The following TRMT1L variants were observed in gnomAD, a reference collection of about 807,000 sequenced individuals.
The protein encoded by TRMT1L is tRNA methyltransferase 1L, also known as tRNA (guanine(27)-N(2))-dimethyltransferase.
A neutral mutation model predicts 81.6 loss-of-function variants in TRMT1L; 28 were observed. That is an observed-to-expected ratio of 0.34 (90% CI 0.25 to 0.47). The LOEUF (loss-of-function observed/expected upper bound fraction) is 0.47, where lower values mean the gene tolerates loss of function less well. Among genes scored for constraint, TRMT1L ranks in the 20% least tolerant of loss-of-function variants. TRMT1L has a pLI of 1.00. For synonymous variants in TRMT1L, 301 were observed against 303.2 expected, an observed-to-expected ratio of 0.99 and a Z score of 0.07; for missense variants, 739 against 877.1, an observed-to-expected ratio of 0.84 and a Z score of 1.99.
chr1:185,140,867 C>T (rs1410944961), intron 7 of TRMT1L, among the ~76,000 whole-genome samples: 3 of 150,430 alleles, frequency 2.0e-5, no homozygotes, highest in Non-Finnish European at 3.0e-5. Flanking sequence ...GTGGTCCCAG[C>T]TACTTTTGGG....
Position 185,120,510 on chromosome 1 carries a change from C to T in TRMT1L, c.1823-1G>A, listed in dbSNP as rs768795001. On this transcript the variant is annotated splice_acceptor_variant, in intron 13 of 14. Coordinates refer to ENST00000367506, the MANE Select transcript of TRMT1L (RefSeq NM_030934.5). LOFTEE classifies it high-confidence loss of function. ...ATCATTTCATTACTTTTTCTCTTTC[C>T]TGCAACATACACATACAAAGTTAGC... The T allele has an allele frequency of 1.3e-6, 2 of 1,570,674 alleles. No homozygotes were observed. Among genetic ancestry groups the T allele is most frequent in the Non-Finnish European group, 1.7e-6 (2 of 1,162,966 alleles).
intron 13 of TRMT1L, among the ~76,000 whole-genome samples, chr1:185,122,484 A>C (rs1266950062): frequency 6.6e-6 from 1 of 152,084 alleles, no homozygotes; most frequent in Non-Finnish European, 1.5e-5. Flanking sequence ...CAATCCTTAC[A>C]CTATCCTCCC....
At chr1:185,153,222 C>G (rs1236385814) in intron 1 of TRMT1L, among the ~76,000 whole-genome samples, 1 of 152,132 alleles carries the variant, frequency 6.6e-6, no homozygotes. Context: ...TTTGGAAATA[C>G]ATGAATAAGT....
intron 10 of TRMT1L, among the ~76,000 whole-genome samples, chr1:185,133,771 T>C (rs1359155394): frequency 6.6e-6 from 1 of 152,080 alleles, no homozygotes; most frequent in Non-Finnish European, 1.5e-5. Context: ...CCTTGATCTG[T>C]GGCCTTGTGA....
In TRMT1L at chr1:185,156,518, C is replaced by T. The variant is rs766905008; in HGVS notation, c.195G>A (p.Leu65=). 6.2e-7 allele frequency: 1 copy of T among 1,613,572 alleles called. No individual in the cohort carries two copies. Among genetic ancestry groups the T allele is most frequent in the Admixed American group, 1.7e-5 (1 of 59,974 alleles). The change falls in exon 1 of 15, where the codon CTG becomes CTA. Residue 65 remains leucine (L), a synonymous_variant. Coordinates refer to ENST00000367506, the MANE Select transcript of TRMT1L (RefSeq NM_030934.5). ...PAPALAQAPA[L]SPSLASAPEE... ...CAGGGGCAGAGGCTAGGGACGGGGA[C>T]AGGGCCGGAGCCTGGGCCAGGGCAG...
chr1:185,135,514 G>C (rs975592818), intron 10 of TRMT1L, among the ~76,000 whole-genome samples: 1 of 151,700 alleles, frequency 6.6e-6, no homozygotes, highest in African/African-American at 2.4e-5. Flanking sequence ...ATAAATAAAT[G>C]AAAGTATATA....
chr1:185,152,361 G>A (rs1162146226), intron 1 of TRMT1L, among the ~76,000 whole-genome samples: 1 of 152,142 alleles, frequency 6.6e-6, no homozygotes, highest in Non-Finnish European at 1.5e-5. Context: ...GTAACCTCAT[G>A]AACAAATCCA....
At chr1:185,132,961 C>T (rs187260489) in intron 10 of TRMT1L, among the ~76,000 whole-genome samples, 2 of 152,208 alleles carry the variant, frequency 1.3e-5, no homozygotes, top group Admixed American at 1.3e-4. Context: ...TAAACAGAAG[C>T]CCTTGCACAA....
At chr1:185,131,415 CAGG>C (rs1652767500) in intron 10 of TRMT1L, among the ~76,000 whole-genome samples, 1 of 151,882 alleles carries the variant, frequency 6.6e-6, no homozygotes, top group Non-Finnish European at 1.5e-5. Flanking sequence ...AGTTAAAAAA[CAGG>C]AGAACTGAAC....
chr1:185,119,966 G>GAGAA lies in TRMT1L; in HGVS notation c.*49_*52dup. ...CAGAAAAAGAACTACAGTTGGTATA[G>GAGAA]AGAACTATTAGGCCATCTATACAGA... is the stretch of plus-strand genomic sequence containing the variant. On this transcript the variant is annotated 3_prime_UTR_variant, in exon 15 of 15. Transcript: ENST00000367506. The GAGAA allele has an allele frequency of 1.9e-6, 3 of 1,562,944 alleles. No individual in the cohort carries two copies.
In TRMT1L at chr1:185,151,928, G is replaced by A. The variant is rs753923879; in HGVS notation, c.243C>T (p.His81=). 1.1e-5 allele frequency: 18 copies of A among 1,574,882 alleles called. No homozygotes were observed. In the Admixed American group the frequency reaches 1.4e-4, roughly 13 times the overall value. The change falls in exon 2 of 15, where the codon CAC becomes CAT. Residue 81 remains histidine (H), a synonymous_variant. Transcript: ENST00000367506. ...CAGCAAGCTGCCTTTGAATTGAGAT[G>A]TGTCTCTCTGAAAAAAAAAATTGAG... ...SAPEEAKSKR[H]ISIQRQLADL...
chr1:185,137,671 T>G lies in TRMT1L; in HGVS notation c.1448A>C (p.Gln483Pro). The G allele has an allele frequency of 6.2e-7, 1 of 1,614,188 alleles. No individual in the cohort carries two copies. Among genetic ancestry groups the G allele is most frequent in the Non-Finnish European group, 8.5e-7 (1 of 1,180,020 alleles). The stretch of plus-strand genomic sequence containing the variant: ...ACACCACTGACAATGGATCAGGTAT[T>G]GAATCTTCTTGGCTGTTTCATCTGC... The part of the protein sequence containing the change: ...TSADETAKKI[Q>P]YLIHCQWCEE... The change falls in exon 10 of 15, where the codon CAA becomes CCA. Residue 483 changes from glutamine to proline, a missense_variant. Around this residue, in one of 4 missense-constraint regions of TRMT1L, gnomAD observed 331 missense variants for 462.2 expected, o/e 0.72. Coordinates refer to ENST00000367506, the MANE Select transcript of TRMT1L (RefSeq NM_030934.5).
chr1:185,139,441 G>C lies in TRMT1L; in HGVS notation c.1248C>G (p.His416Gln). 6.2e-7 allele frequency: 1 copy of C among 1,614,148 alleles called. No homozygotes were observed. The highest frequency in any genetic ancestry group is 8.5e-7 in the Non-Finnish European group (1 of 1,180,000). The change falls in exon 9 of 15, where the codon CAC becomes CAG. Residue 416 changes from histidine to glutamine, a missense_variant. Physicochemically the swap from His to Gln is conservative, Grantham distance 24. Around this residue, in one of 4 missense-constraint regions of TRMT1L, gnomAD observed 331 missense variants for 462.2 expected, o/e 0.72. Transcript: ENST00000367506. Reference sequence around the variant, plus strand: ...CAGTTCGGACAATGTTACATCCGTAGTGACGCCGGGCAACATGCTGTGCCT... The same window carrying C: ...CAGTTCGGACAATGTTACATCCGTACTGACGCCGGGCAACATGCTGTGCCT... The part of the protein sequence containing the change: ...YAKAQHVARR[H>Q]YGCNIVRTEY...
At chr1:185,130,662 G>C (rs922878520) in intron 10 of TRMT1L, among the ~76,000 whole-genome samples, 1 of 152,180 alleles carries the variant, frequency 6.6e-6, no homozygotes, top group Non-Finnish European at 1.5e-5. Flanking sequence ...TAAAACTCCA[G>C]ATCTTCTCTA....
chr1:185,128,810 G>A (rs1652697631), intron 10 of TRMT1L, 63 bp from the exon 11 acceptor site: 2 of 1,329,564 alleles, frequency 1.5e-6, no homozygotes, highest in Non-Finnish European at 2.1e-6. Context: ...AGTAGTAATT[G>A]TTATATTAAT....
chr1:185,137,828 G>A (rs1652938949), intron 9 of TRMT1L, 32 bp from the exon 10 acceptor site: 1 of 1,603,414 alleles, frequency 6.2e-7, no homozygotes, highest in Non-Finnish European at 8.5e-7. Context: ...TATTTTGTGG[G>A]CTTATCATTT....
intron 1 of TRMT1L, among the ~76,000 whole-genome samples, chr1:185,155,394 A>C (rs1217822005): frequency 2.0e-5 from 3 of 152,182 alleles, no homozygotes; most frequent in African/African-American, 7.2e-5. Flanking sequence ...TTTTGTACCT[A>C]CAAGCTCTGA....
intron 10 of TRMT1L, among the ~76,000 whole-genome samples, chr1:185,132,344 C>G (rs1014240529): frequency 6.6e-6 from 1 of 151,530 alleles, no homozygotes; most frequent in Non-Finnish European, 1.5e-5. Flanking sequence ...ATGGTGAGAC[C>G]CTGTCTCTAC....
In TRMT1L at chr1:185,156,904, G is replaced by T; in HGVS notation, c.-192C>A. Reference sequence around the variant, plus strand: ...CCTGTTAGTAGAAAACAGAAAGCCAGAGGCAGCGATTCCAGATGCCCGTCC... The same window carrying T: ...CCTGTTAGTAGAAAACAGAAAGCCATAGGCAGCGATTCCAGATGCCCGTCC... On this transcript the variant is annotated 5_prime_UTR_variant, in exon 1 of 15. It adds an upstream start codon to the 5' untranslated region. Transcript: ENST00000367506. 1 of 773,472 alleles carries T rather than the reference G, an allele frequency of 1.3e-6. No homozygotes were observed. Among genetic ancestry groups the T allele is most frequent in the Non-Finnish European group, 1.9e-6 (1 of 516,382 alleles). 47.9% of individuals were successfully genotyped at this position (773,472 alleles called of 1,614,324 possible). A position where few individuals can be genotyped will look rare whatever the true frequency, so the allele number is the denominator to read the frequency against.
Sources: gnomAD v4.1 joint callset for allele counts (sites outside exome capture counted in the v4.1 genomes callset) on GRCh38, gnomAD v4.1.1 for gene constraint, gnomAD v4.1.1 regional missense constraint, MANE v1.5 for transcripts, NCBI Gene and HGNC (gene_info 2026-07-23, HGNC 2026-07-21) for gene names.